Variants in CREB5 observed in about 807,000 individuals in gnomAD.
The protein encoded by CREB5 is cAMP responsive element binding protein 5.
In CREB5, 19 loss-of-function variants were observed where a neutral mutation model predicts 57.1. The ratio of observed to expected loss-of-function variants is 0.33; its 90% CI spans 0.23 to 0.49. The LOEUF (loss-of-function observed/expected upper bound fraction) is 0.49. CREB5 is among the 20% of genes least tolerant of loss of function. The probability of loss-of-function intolerance (pLI) is 0.99; values close to 1 mark genes in which losing one functional copy is unlikely to be tolerated. For missense variants in CREB5, 579 were observed against 671.6 expected, an observed-to-expected ratio of 0.86 and a Z score of 1.52; for synonymous variants, 238 against 238.3, an observed-to-expected ratio of 1.00 and a Z score of 0.01.
chr7:28,750,048 CCTAA>C (rs1411699005), intron 7 of CREB5, among the ~76,000 whole-genome samples: 30 of 151,962 alleles, frequency 2.0e-4, no homozygotes, highest in African/African-American at 5.3e-4. Context: ...AAGTATGTTT[CCTAA>C]CTGTTGGTCA....
chr7:28,501,989 A>G (rs1361174446), intron 3 of CREB5, among the ~76,000 whole-genome samples: 1 of 152,146 alleles, frequency 6.6e-6, no homozygotes, highest in East Asian at 1.9e-4. Context: ...CAAGAGTGTA[A>G]GAGGGTGTTC....
intron 1 of CREB5, among the ~76,000 whole-genome samples, chr7:28,404,809 C>T (rs1476453209): frequency 6.6e-6 from 1 of 152,206 alleles, no homozygotes; most frequent in Non-Finnish European, 1.5e-5. Context: ...TTGTTCTCAA[C>T]TTTCCTGATT....
At chr7:28,772,661 A>G (rs970017709) in intron 7 of CREB5, among the ~76,000 whole-genome samples, 5 of 152,176 alleles carry the variant, frequency 3.3e-5, no homozygotes, top group African/African-American at 4.8e-5. Flanking sequence ...AAAATCCTCA[A>G]TTATAAGTTT....
At chr7:28,360,837 C>A (rs1786460488) in intron 1 of CREB5, among the ~76,000 whole-genome samples, 1 of 152,196 alleles carries the variant, frequency 6.6e-6, no homozygotes, top group African/African-American at 2.4e-5. Context: ...TGGGAGCAAT[C>A]ATTCCTAGTG....
chr7:28,773,137 A>G (rs1016832859), intron 7 of CREB5, among the ~76,000 whole-genome samples: 10 of 152,146 alleles, frequency 6.6e-5, no homozygotes, highest in Admixed American at 3.9e-4. Context: ...TAAAATTAAT[A>G]CTTTCTTAAA....
At chr7:28,371,491 C>CAAAAA (rs5883125) in intron 1 of CREB5, among the ~76,000 whole-genome samples, 1 of 77,178 alleles carries the variant, frequency 1.3e-5, no homozygotes, top group African/African-American at 5.0e-5. Context: ...TACTCCATCT[C>CAAAAA]AAAAAAAAAA....
intron 5 of CREB5, among the ~76,000 whole-genome samples, chr7:28,616,163 G>A (rs2128681381): frequency 6.6e-6 from 1 of 152,228 alleles, no homozygotes; most frequent in East Asian, 1.9e-4. Context: ...TTGATTTAGA[G>A]TCAAGTTCAA....
intron 1 of CREB5, among the ~76,000 whole-genome samples, chr7:28,479,468 T>C (rs571399891): frequency 4.4e-4 from 67 of 152,338 alleles, no homozygotes; most frequent in Middle Eastern, 3.4e-3. Flanking sequence ...AAGAGAACCT[T>C]GTTCGAATGA....
intron 1 of CREB5, among the ~76,000 whole-genome samples, chr7:28,299,758 AC>A (rs1236944837): frequency 4.2e-4 from 64 of 152,356 alleles, no homozygotes; most frequent in African/African-American, 1.5e-3. Flanking sequence ...CATTTATTTA[AC>A]ATTTACCCTA....
intron 4 of CREB5, among the ~76,000 whole-genome samples, chr7:28,526,236 T>C (rs950594483): frequency 6.6e-5 from 10 of 152,366 alleles, no homozygotes; most frequent in Non-Finnish European, 1.3e-4. Context: ...GATTATTATA[T>C]AAATCAAAAG....
At chr7:28,508,382 C>CT (rs1047814479) in intron 4 of CREB5, among the ~76,000 whole-genome samples, 3 of 152,100 alleles carry the variant, frequency 2.0e-5, no homozygotes, top group Non-Finnish European at 2.9e-5. Context: ...GATGAGGATG[C>CT]TTTTTGGTAT....
intron 1 of CREB5, among the ~76,000 whole-genome samples, chr7:28,347,622 C>T (rs550640401): frequency 6.6e-6 from 1 of 152,204 alleles, no homozygotes; most frequent in Non-Finnish European, 1.5e-5. Flanking sequence ...ATAATACTAA[C>T]CCTGCCCCGC....
At chr7:28,633,534 G>A (rs967825012) in intron 5 of CREB5, among the ~76,000 whole-genome samples, 10 of 152,180 alleles carry the variant, frequency 6.6e-5, no homozygotes, top group African/African-American at 2.4e-4. Flanking sequence ...AAGTAAAGAA[G>A]GTGTTTCTTC....
rs551973765 is a variant in CREB5, at chr7:28,552,798, A to G, written c.292-17567A>G. ...GTCCACTAGGGATGGCTTTTGTCCC[A>G]GGACAAGGTTGAAATGAATTATCTG... On this transcript the variant is annotated intron_variant, in intron 4 of 10. Transcript: ENST00000357727. Among the ~76,000 whole-genome samples, 24 of 152,342 alleles carry G rather than the reference A, an allele frequency of 1.6e-4. No individual in the cohort carries two copies. The East Asian group carries it at 4.6e-3, about 29-fold the overall frequency.
intron 7 of CREB5, among the ~76,000 whole-genome samples, chr7:28,755,537 A>G (rs1583675098): frequency 6.6e-6 from 1 of 152,354 alleles, no homozygotes; most frequent in African/African-American, 2.4e-5. Context: ...CTTTTAGGCA[A>G]TAGTGAGTCA....
intron 5 of CREB5, among the ~76,000 whole-genome samples, chr7:28,644,983 C>G (rs80298487): frequency 6.6e-6 from 1 of 152,098 alleles, no homozygotes; most frequent in African/African-American, 2.4e-5. Context: ...TGGCCAACAA[C>G]GCGTACCTTG....
At chr7:28,755,083 A>T (rs1206046344) in intron 7 of CREB5, among the ~76,000 whole-genome samples, 1 of 152,164 alleles carries the variant, frequency 6.6e-6, no homozygotes, top group African/African-American at 2.4e-5. Context: ...ACTGGGGATA[A>T]ATGAGAGCAT....
At chr7:28,711,322 C>T (rs1802389349) in intron 5 of CREB5, among the ~76,000 whole-genome samples, 1 of 152,164 alleles carries the variant, frequency 6.6e-6, no homozygotes, top group East Asian at 1.9e-4. Flanking sequence ...CAGCCAGCAG[C>T]CCTCCCTTGA....
chr7:28,496,533 G>A (rs1430304797), intron 3 of CREB5, among the ~76,000 whole-genome samples: 1 of 152,130 alleles, frequency 6.6e-6, no homozygotes, highest in South Asian at 2.1e-4. Flanking sequence ...TTCTGTCCCA[G>A]GCTCAGAACA....
Sources: allele counts gnomAD v4.1 joint callset (sites outside exome capture counted in the v4.1 genomes callset), GRCh38; gene constraint gnomAD v4.1.1; transcripts MANE v1.5; gene names NCBI Gene and HGNC (gene_info 2026-07-23, HGNC 2026-07-21).